The following STOX2 variants were observed in gnomAD, a reference collection of about 807,000 sequenced individuals.
STOX2 encodes the protein storkhead box 2.
Under a neutral mutation model 60.9 loss-of-function variants are expected in STOX2, and 28 were observed. The observed-to-expected ratio is 0.46, with a 90% CI of 0.34 to 0.63. STOX2 has a LOEUF of 0.63. STOX2 is among the 30% of genes least tolerant of loss of function. The pLI is 0.01. For synonymous variants in STOX2, 472 were observed against 463.9 expected, an observed-to-expected ratio of 1.02 and a Z score of -0.22; for missense variants, 1,024 against 1,187.7, an observed-to-expected ratio of 0.86 and a Z score of 2.03.
chr4:184,020,294 T>C lies in STOX2; in HGVS notation c.*3010T>C, dbSNP rs539851469. 4 of 152,276 alleles carry C rather than the reference T, an allele frequency of 2.6e-5. No individual in the cohort carries two copies. Among genetic ancestry groups the C allele is most frequent in the African/African-American group, 9.6e-5 (4 of 41,546 alleles). 9.4% of individuals were successfully genotyped at this position (152,276 alleles called of 1,614,324 possible). A position where few individuals can be genotyped will look rare whatever the true frequency, so the allele number is the denominator to read the frequency against. On this transcript the variant is annotated 3_prime_UTR_variant, in exon 4 of 4. Transcript: ENST00000308497. Reference sequence around the variant, plus strand: ...TTGGCTTTCAGATGTAATCCTGTCTTCTCCTCTCTTCCCCACGAAAGCGCA... The same window carrying C: ...TTGGCTTTCAGATGTAATCCTGTCTCCTCCTCTCTTCCCCACGAAAGCGCA...
intron 1 of STOX2, among the ~76,000 whole-genome samples, chr4:183,829,508 A>T (rs1739516919): frequency 6.6e-6 from 1 of 152,172 alleles, no homozygotes; most frequent in Admixed American, 6.5e-5. Context: ...AGATTATTTA[A>T]TGCTCCTCAT....
At chr4:183,919,579 C>T (rs1742038726) in intron 1 of STOX2, among the ~76,000 whole-genome samples, 1 of 152,152 alleles carries the variant, frequency 6.6e-6, no homozygotes, top group African/African-American at 2.4e-5. Flanking sequence ...CCTCAGCTCC[C>T]TTTCACCTAA....
intron 1 of STOX2, chr4:183,798,759 C>G: frequency 1.0e-6 from 1 of 985,390 alleles, no homozygotes; most frequent in Non-Finnish European, 1.2e-6. Flanking sequence ...GCAGAGTCGC[C>G]CAGAGGTGAA....
intron 1 of STOX2, among the ~76,000 whole-genome samples, chr4:183,985,136 G>A (rs1017125182): frequency 2.6e-5 from 4 of 152,124 alleles, no homozygotes; most frequent in Admixed American, 6.5e-5. Flanking sequence ...CAACTTCTAC[G>A]GGAGACCCCA....
chr4:183,890,967 G>A (rs1303277486), intron 1 of STOX2, among the ~76,000 whole-genome samples: 1 of 152,032 alleles, frequency 6.6e-6, no homozygotes, highest in African/African-American at 2.4e-5. Context: ...AAAAATAGGT[G>A]GGCATGGTGG....
At position 183,825,811 on chromosome 4, in the gene STOX2, T is replaced by A. The variant is rs1236194234; in HGVS notation, c.364+27756T>A. 1.3e-5 allele frequency among the ~76,000 whole-genome samples: 2 copies of A among 152,160 alleles called. No homozygotes were observed. The highest frequency in any genetic ancestry group is 1.5e-5 in the Non-Finnish European group (1 of 68,024). The stretch of plus-strand genomic sequence containing the variant: ...GCAGTGGAAAGCTGCTCTGGGCTCC[T>A]GAGCACAGGCAGGGTGTGATCAAAT... On this transcript the variant is annotated intron_variant, in intron 1 of 2. Transcript: ENST00000513034. This position sits in a 1 kb window ranked among gnomAD's most constrained non-coding sequence, Gnocchi z 4.1.
chr4:183,940,708 T>C (rs1579444530), intron 1 of STOX2, among the ~76,000 whole-genome samples: 1 of 152,348 alleles, frequency 6.6e-6, no homozygotes, highest in East Asian at 1.9e-4. Context: ...ATTTACCCCC[T>C]AATCAGCAGG....
At chr4:183,927,902 C>T (rs1161772825) in intron 1 of STOX2, among the ~76,000 whole-genome samples, 1 of 152,178 alleles carries the variant, frequency 6.6e-6, no homozygotes, top group Non-Finnish European at 1.5e-5. Flanking sequence ...CAGCAGGGCA[C>T]CCAGGCATCC....
At chr4:183,834,496 G>A (rs1560837455) in intron 1 of STOX2, among the ~76,000 whole-genome samples, 1 of 152,048 alleles carries the variant, frequency 6.6e-6, no homozygotes, top group South Asian at 2.1e-4. Flanking sequence ...TGCGGAGTTG[G>A]AATGGCTCCC....
intron 1 of STOX2, among the ~76,000 whole-genome samples, chr4:183,915,071 A>G (rs1267591589): frequency 1.2e-4 from 19 of 152,252 alleles, no homozygotes. Context: ...TCATACACAC[A>G]GTCAAAGTCT....
intron 1 of STOX2, among the ~76,000 whole-genome samples, chr4:183,981,087 T>C (rs2111188183): frequency 6.6e-6 from 1 of 152,330 alleles, no homozygotes; most frequent in Middle Eastern, 3.4e-3. Context: ...TTTTTAGATG[T>C]AGTTGTTGTT....
intron 1 of STOX2, among the ~76,000 whole-genome samples, chr4:183,993,077 G>C (rs1387725215): frequency 6.6e-6 from 1 of 152,232 alleles, no homozygotes; most frequent in Non-Finnish European, 1.5e-5. Context: ...ATCACCTCTG[G>C]CGGTGGGGAA....
At chr4:183,868,554 T>G (rs1740623347) in intron 1 of STOX2, among the ~76,000 whole-genome samples, 1 of 152,244 alleles carries the variant, frequency 6.6e-6, no homozygotes, top group Non-Finnish European at 1.5e-5. Context: ...ATGTCCCGAC[T>G]TGAGTGAAGG....
intron 1 of STOX2, among the ~76,000 whole-genome samples, chr4:183,835,227 A>AT (rs766369744): frequency 0.02 from 2,904 of 142,246 alleles, 80 homozygotes; most frequent in African/African-American, 0.063. Context: ...CAACCAATAG[A>AT]TTTTTTTTTT....
At position 183,891,705 on chromosome 4, in the gene STOX2, A is replaced by G. The variant is rs367881181; in HGVS notation, c.364+93650A>G. On this transcript the variant is annotated intron_variant, in intron 1 of 2. Transcript: ENST00000513034. Reference sequence around the variant, plus strand: ...CACCAAAATCTCACAAATCACCACTAAAAAACTTACTTATGTCGCCACACA... The same window carrying G: ...CACCAAAATCTCACAAATCACCACTGAAAAACTTACTTATGTCGCCACACA... Among the ~76,000 whole-genome samples the G allele has an allele frequency of 4.3e-4, 65 of 152,176 alleles. No homozygotes were observed. The South Asian group carries it at 0.013, about 32-fold the overall frequency.
chr4:183,985,062 C>G (rs904854020), intron 1 of STOX2, among the ~76,000 whole-genome samples: 1 of 152,138 alleles, frequency 6.6e-6, no homozygotes, highest in Non-Finnish European at 1.5e-5. Context: ...ATATTCTTTT[C>G]CATGGTCCTT....
intron 1 of STOX2, among the ~76,000 whole-genome samples, chr4:183,913,479 CAG>C (rs1453163534): frequency 2.0e-5 from 3 of 151,942 alleles, no homozygotes; most frequent in African/African-American, 7.3e-5. Flanking sequence ...GGCCATAGAA[CAG>C]TGTGTCCTGG....
At chr4:183,953,162 A>T (rs1176966963) in intron 1 of STOX2, among the ~76,000 whole-genome samples, 2 of 151,742 alleles carry the variant, frequency 1.3e-5, no homozygotes, top group African/African-American at 4.8e-5. Flanking sequence ...TGTTCTGCAC[A>T]TGTACCCCAG....
intron 1 of STOX2, among the ~76,000 whole-genome samples, chr4:183,922,171 C>T (rs1323354982): frequency 1.3e-5 from 2 of 152,152 alleles, no homozygotes; most frequent in South Asian, 4.1e-4. Context: ...TTCATCTGAG[C>T]TAGATGACTT....
Sources: gnomAD v4.1 joint callset for allele counts (sites outside exome capture counted in the v4.1 genomes callset) on GRCh38, gnomAD v4.1.1 for gene constraint, Gnocchi (gnomAD v3.1) non-coding constraint, MANE v1.5 for transcripts, NCBI Gene and HGNC (gene_info 2026-07-23, HGNC 2026-07-21) for gene names.